Variants in DENND2B observed in about 807,000 individuals in gnomAD.
DENND2B encodes DENN domain containing 2B.
Under a neutral mutation model 116.0 loss-of-function variants are expected in DENND2B, and 32 were observed. That is an observed-to-expected ratio of 0.28 (90% CI 0.21 to 0.37). The LOEUF is 0.37. Ranked by LOEUF, DENND2B falls within the 10% of genes least tolerant of loss-of-function variation. The pLI is 1.00. For synonymous variants in DENND2B, 588 were observed against 583.9 expected (o/e 1.01, Z -0.10); for missense variants, 1,276 against 1,477.7 (o/e 0.86, Z 2.24).
chr11:8,799,229 T>A (rs2060098198), intron 1 of DENND2B, among the ~76,000 whole-genome samples: 1 of 152,168 alleles, frequency 6.6e-6, no homozygotes, highest in South Asian at 2.1e-4. Flanking sequence ...TCTTCACAAC[T>A]GGCTCTCCCA....
intron 1 of DENND2B, among the ~76,000 whole-genome samples, chr11:8,896,989 A>G (rs1432067669): frequency 6.6e-6 from 1 of 152,256 alleles, no homozygotes; most frequent in Non-Finnish European, 1.5e-5. Context: ...TTGTAATCCC[A>G]GCACTTTGGG....
chr11:8,883,357 T>G (rs2063922737), intron 1 of DENND2B, among the ~76,000 whole-genome samples: 1 of 152,246 alleles, frequency 6.6e-6, no homozygotes, highest in Non-Finnish European at 1.5e-5. Context: ...TTCTGAACTC[T>G]TAACTAGAGC....
Position 8,881,502 on chromosome 11 carries a change from A to C in DENND2B, c.-255-393T>G, listed in dbSNP as rs1168910255. Reference sequence around the variant, plus strand: ...TCTATCAATTTTTAAAATTTCAACTATGATTTTTTAATTTCCAAATGCTCT... The same window carrying C: ...TCTATCAATTTTTAAAATTTCAACTCTGATTTTTTAATTTCCAAATGCTCT... On this transcript the variant is annotated intron_variant, in intron 1 of 22. Transcript: ENST00000534127. Among the ~76,000 whole-genome samples, 4 of 152,094 alleles carry C rather than the reference A, an allele frequency of 2.6e-5. No individual in the cohort carries two copies. The East Asian group carries it at 7.7e-4, about 29-fold the overall frequency.
chr11:8,737,269 C>T (rs780416780), intron 2 of DENND2B, among the ~76,000 whole-genome samples: 3 of 152,168 alleles, frequency 2.0e-5, no homozygotes, highest in African/African-American at 4.8e-5. Flanking sequence ...AGTGCTGGGA[C>T]GTTCCAGTGT....
At chr11:8,859,097 C>A (rs1388365636) in intron 2 of DENND2B, among the ~76,000 whole-genome samples, 1 of 152,188 alleles carries the variant, frequency 6.6e-6, no homozygotes, top group African/African-American at 2.4e-5. Flanking sequence ...TAAGCCTGCA[C>A]GTCCTAAACC....
chr11:8,749,859 A>G (rs779369934), intron 2 of DENND2B, among the ~76,000 whole-genome samples: 39 of 152,208 alleles, frequency 2.6e-4, no homozygotes, highest in Non-Finnish European at 3.5e-4. Flanking sequence ...TTCTTTTAAG[A>G]TATCAGTGTC....
intron 1 of DENND2B, among the ~76,000 whole-genome samples, chr11:8,798,376 G>T (rs776934539): frequency 6.6e-6 from 1 of 152,184 alleles, no homozygotes; most frequent in African/African-American, 2.4e-5. Flanking sequence ...GTAGAAGATG[G>T]AATCCCAGGG....
chr11:8,704,949 G>A (rs866618660), intron 13 of DENND2B, among the ~76,000 whole-genome samples: 29 of 151,944 alleles, frequency 1.9e-4, no homozygotes, highest in African/African-American at 7.0e-4. Context: ...TGATCCCCCC[G>A]CCTCAGCCTC....
At position 8,717,837 on chromosome 11, in the gene DENND2B, T is replaced by C; in HGVS notation, c.1533A>G (p.Ala511=). 6.2e-7 allele frequency: 1 copy of C among 1,613,502 alleles called. No homozygotes were observed. The highest frequency in any genetic ancestry group is 8.5e-7 in the Non-Finnish European group (1 of 1,179,542). The change falls in exon 5 of 20, where the codon GCA becomes GCG. Residue 511 remains alanine (A), a synonymous_variant. Transcript: ENST00000313726. Reference sequence around the variant, plus strand: ...CAGACAGTTGCTGGGATTTTCGTCCTGCTCTTCGGCTCTTTAAGTCCACAT... The same window carrying C: ...CAGACAGTTGCTGGGATTTTCGTCCCGCTCTTCGGCTCTTTAAGTCCACAT... The part of the protein sequence containing the change: ...YEDVDLKSRR[A]GRKSQQLSEN...
intron 1 of DENND2B, among the ~76,000 whole-genome samples, chr11:8,804,636 C>CAGAA (rs2060676870): frequency 1.3e-5 from 2 of 151,342 alleles, no homozygotes; most frequent in African/African-American, 4.9e-5. Context: ...CCTCCGCCTC[C>CAGAA]CAGGTTCAAG....
At chr11:8,740,033 T>A (rs1363361899) in intron 2 of DENND2B, among the ~76,000 whole-genome samples, 5 of 150,068 alleles carry the variant, frequency 3.3e-5, no homozygotes, top group Non-Finnish European at 7.4e-5. Flanking sequence ...AAAAAAAAAA[T>A]TTAAAAATTA....
At chr11:8,814,894 C>T (rs549527172), upstream of DENND2B, among the ~76,000 whole-genome samples, 182 of 152,344 alleles carry the variant, frequency 1.2e-3, 1 homozygote, top group Middle Eastern at 3.4e-3. Flanking sequence ...TGCCTCTTTT[C>T]ATCGACTTAC....
intron 13 of DENND2B, among the ~76,000 whole-genome samples, chr11:8,706,170 G>A (rs769371592): frequency 2.0e-5 from 3 of 152,204 alleles, no homozygotes; most frequent in South Asian, 2.1e-4. Context: ...GCTTGAGCCC[G>A]GGAGGGTGAG....
At chr11:8,830,129 G>A (rs948863735) in intron 4 of DENND2B, among the ~76,000 whole-genome samples, 15 of 152,076 alleles carry the variant, frequency 9.9e-5, no homozygotes, top group African/African-American at 3.6e-4. Flanking sequence ...TCGATCTACA[G>A]GAGAGATTTC....
At chr11:8,784,398 G>A (rs1397585215) in intron 1 of DENND2B, 1 of 149,462 alleles carries the variant, frequency 6.7e-6, no homozygotes, top group Non-Finnish European at 1.5e-5. Context: ...CTGTACTCCA[G>A]CCTTGGCAAT....
At chr11:8,768,005 G>A (rs1246061122) in intron 1 of DENND2B, among the ~76,000 whole-genome samples, 1 of 152,030 alleles carries the variant, frequency 6.6e-6, no homozygotes, top group Admixed American at 6.6e-5. Context: ...TGGGAGAACA[G>A]GGAGGGACAA....
chr11:8,704,862 A>C (rs2042323888), intron 13 of DENND2B, among the ~76,000 whole-genome samples: 1 of 151,634 alleles, frequency 6.6e-6, no homozygotes, highest in South Asian at 2.1e-4. Context: ...CACACCTGGC[A>C]ATTTTTTTTT....
intron 2 of DENND2B, among the ~76,000 whole-genome samples, chr11:8,865,391 T>C (rs964365938): frequency 6.6e-6 from 1 of 152,206 alleles, no homozygotes; most frequent in Non-Finnish European, 1.5e-5. Context: ...TTGAAAGCTC[T>C]AATTGCCAAC....
Position 8,699,329 on chromosome 11 carries a change from T to G in DENND2B, c.2782A>C (p.Thr928Pro). ...GAGGCCGGGAGGACAGGAATGAAGG[T>G]GTGCTGCCAGGAGAAGGGGTAGAGC... Reference protein sequence around the residue: ...ALLYPFSWQHTFIPVLPASMI... With the variant: ...ALLYPFSWQHPFIPVLPASMI... Residue 928 changes from threonine (T) to proline (P), a missense_variant, in exon 15 of 20, where the codon ACC becomes CCC. Physicochemically the swap from Thr to Pro is conservative, Grantham distance 38. Coordinates refer to ENST00000313726, the MANE Select transcript of DENND2B (RefSeq NM_213618.2). 1 of 1,607,642 alleles carries G rather than the reference T, an allele frequency of 6.2e-7. No individual in the cohort carries two copies. Among genetic ancestry groups the G allele is most frequent in the Non-Finnish European group, 8.5e-7 (1 of 1,178,478 alleles).
Sources: allele counts gnomAD v4.1 joint callset (sites outside exome capture counted in the v4.1 genomes callset), GRCh38; gene constraint gnomAD v4.1.1; transcripts MANE v1.5; gene names NCBI Gene and HGNC (gene_info 2026-07-23, HGNC 2026-07-21).